The following FLOT2 variants were observed in gnomAD, a reference collection of about 807,000 sequenced individuals.
FLOT2 encodes the protein flotillin-2.
A neutral mutation model predicts 54.9 loss-of-function variants in FLOT2; 35 were observed. The ratio of observed to expected loss-of-function variants is 0.64; its 90% CI spans 0.49 to 0.84. The LOEUF is 0.84. Among genes scored for constraint, FLOT2 ranks in the 40% least tolerant of loss-of-function variants. The pLI is 0.00. For synonymous variants in FLOT2, 207 were observed against 228.9 expected (o/e 0.90, Z 0.86); for missense variants, 464 against 572.1 (o/e 0.81, Z 1.93).
chr17:28,882,543 C>T lies in FLOT2; in HGVS notation c.465+30G>A. Reference sequence around the variant, plus strand: ...AAGCCACCATCTCCCAGATGGACGCCAGGAGATACAGCTTCCCATCACGTC... The same window carrying T: ...AAGCCACCATCTCCCAGATGGACGCTAGGAGATACAGCTTCCCATCACGTC... On this transcript the variant is annotated intron_variant, in intron 5 of 10. Transcript: ENST00000394908. This position sits in a 1 kb window ranked among gnomAD's most constrained non-coding sequence, Gnocchi z 5.6. 1 of 1,580,222 alleles carries T rather than the reference C, an allele frequency of 6.3e-7. No homozygotes were observed. The highest frequency in any genetic ancestry group is 8.7e-7 in the Non-Finnish European group (1 of 1,149,164).
chr17:28,887,891 C>G (rs7211377), intron 2 of FLOT2, among the ~76,000 whole-genome samples: 64,705 of 152,032 alleles, frequency 0.43, 17,488 homozygotes, highest in African/African-American at 0.78. Flanking sequence ...TGGGAGAGTG[C>G]AGCGGTTACT....
rs1333329730 is a variant in FLOT2 at position 28,880,696 on chromosome 17, G to A, written c.1248+17C>T. On this transcript the variant is annotated intron_variant, in intron 10 of 10. Coordinates refer to ENST00000394908, the MANE Select transcript of FLOT2 (RefSeq NM_004475.3). ...GGGCTACCTGGGCAACCCCACCGCA[G>A]CTAGGCAGGCACATACCTTAGACAG... 6.2e-7 allele frequency: 1 copy of A among 1,614,118 alleles called. No homozygotes were observed. Among genetic ancestry groups the A allele is most frequent in the South Asian group, 1.1e-5 (1 of 91,050 alleles).
chr17:28,885,515 A>G (rs924413780), intron 2 of FLOT2: 2 of 706,000 alleles, frequency 2.8e-6, no homozygotes, highest in Non-Finnish European at 5.3e-6. Flanking sequence ...CACATGACAG[A>G]GTAAGCATTT....
At chr17:28,881,077 C>T (rs1567928360) in intron 9 of FLOT2, 115 bp downstream of exon 9, 19 of 1,096,944 alleles carry the variant, frequency 1.7e-5, no homozygotes, top group Non-Finnish European at 2.5e-5. Context: ...CTCATTTAAC[C>T]CTTCTAGCCA....
In FLOT2 at chr17:28,882,582, G is replaced by A; in HGVS notation, c.456C>T (p.Phe152=). 1 of 1,610,270 alleles carries A rather than the reference G, an allele frequency of 6.2e-7. No individual in the cohort carries two copies. Among genetic ancestry groups the A allele is most frequent in the Non-Finnish European group, 8.5e-7 (1 of 1,176,618 alleles). The stretch of plus-strand genomic sequence containing the variant: ...TCCCATCACGTCGTACCTTGATGGT[G>A]AAGCTGAGGATCTCAATGCCCATGC... ...VGRMGIEILS[F]TIKDVYDKVD... Residue 152 remains phenylalanine (F), a synonymous_variant, in exon 5 of 11, where the codon TTC becomes TTT. Coordinates refer to ENST00000394908, the MANE Select transcript of FLOT2 (RefSeq NM_004475.3). This position sits in a 1 kb window ranked among gnomAD's most constrained non-coding sequence, Gnocchi z 5.6.
In FLOT2 at chr17:28,882,841, G is replaced by T; in HGVS notation, c.347-150C>A. The T allele has an allele frequency of 1.5e-6, 1 of 667,850 alleles. No individual in the cohort carries two copies. The highest frequency in any genetic ancestry group is 2.6e-5 in the East Asian group (1 of 38,792). The allele number at this position is 667,850 out of a possible 1,614,324, so 41.4% of individuals were successfully genotyped here. ...TATCTTCTCAACAGCACTTAACACCGAGCTTCCTGCTGCACAGTCCAGGCT... is the reference window on the plus strand; with the variant it reads ...TATCTTCTCAACAGCACTTAACACCTAGCTTCCTGCTGCACAGTCCAGGCT... On this transcript the variant is annotated intron_variant, in intron 4 of 10. Coordinates refer to ENST00000394908, the MANE Select transcript of FLOT2 (RefSeq NM_004475.3). This position sits in a 1 kb window ranked among gnomAD's most constrained non-coding sequence, Gnocchi z 5.6.
At chr17:28,886,137 G>C in intron 2 of FLOT2, 1 of 625,756 alleles carries the variant, frequency 1.6e-6, no homozygotes, top group East Asian at 2.7e-5. Context: ...GCGACCTCCT[G>C]TGCTGATCCG....
At chr17:28,885,021 C>T (rs2039516564) in intron 2 of FLOT2, among the ~76,000 whole-genome samples, 1 of 152,204 alleles carries the variant, frequency 6.6e-6, no homozygotes, top group South Asian at 2.1e-4. Flanking sequence ...TCTGGCCATG[C>T]AATCTGACTC....
intron 2 of FLOT2, chr17:28,886,018 A>C (rs2039536880): frequency 1.3e-6 from 1 of 746,564 alleles, no homozygotes; most frequent in South Asian, 1.4e-5. Context: ...AAACACACAC[A>C]GTAGTTACCA....
chr17:28,882,792 A>ACT lies in FLOT2; in HGVS notation c.347-103_347-102dup. The ACT allele has an allele frequency of 1.3e-6, 1 of 791,268 alleles. No homozygotes were observed. Among genetic ancestry groups the ACT allele is most frequent in the Non-Finnish European group, 2.1e-6 (1 of 467,738 alleles). The allele number at this position is 791,268 out of a possible 1,614,324, so 49.0% of individuals were successfully genotyped here. A position where few individuals can be genotyped will look rare whatever the true frequency, so the allele number is the denominator to read the frequency against. ...GGTAGGGGTGCATGCGGGGTGCTGC[A>ACT]CTCTGAGCTGGGTCTTCCTGGGGTA... On this transcript the variant is annotated intron_variant, in intron 4 of 10. Coordinates refer to ENST00000394908, the MANE Select transcript of FLOT2 (RefSeq NM_004475.3). This position sits in a 1 kb window ranked among gnomAD's most constrained non-coding sequence, Gnocchi z 5.6.
rs1338016459 is a variant in FLOT2 at position 28,882,689 on chromosome 17, T to C, written c.349A>G (p.Thr117Ala). 1 of 1,607,098 alleles carries C rather than the reference T, an allele frequency of 6.2e-7. No individual in the cohort carries two copies. The highest frequency in any genetic ancestry group is 1.3e-5 in the African/African-American group (1 of 74,748). Residue 117 changes from threonine to alanine, a missense_variant and splice_region_variant, in exon 5 of 11, where the codon ACC becomes GCC. Physicochemically the swap from Thr to Ala is moderately conservative, Grantham distance 58. Coordinates refer to ENST00000394908, the MANE Select transcript of FLOT2 (RefSeq NM_004475.3). The surrounding 1 kb of genome is among the most constrained non-coding windows in gnomAD (Gnocchi z 5.6). Reference protein sequence around the residue: ...LEGHLRSILGTLTVEQIYQDR... With the variant: ...LEGHLRSILGALTVEQIYQDR... ...TGATAAATCTGCTCCACTGTCAGGGTCCCTGGGGGCAGAGGGATCAAGGGC... is the reference window on the plus strand; with the variant it reads ...TGATAAATCTGCTCCACTGTCAGGGCCCCTGGGGGCAGAGGGATCAAGGGC...
chr17:28,880,013 A>C lies in FLOT2; in HGVS notation c.*548T>G. On this transcript the variant is annotated 3_prime_UTR_variant, in exon 11 of 11. Transcript: ENST00000394908. ...ACAGTGTCTCTGGGCCCTGCAGGTC[A>C]TGGCTGCCCAGACCTAGAGGGGCAG... The C allele has an allele frequency of 3.0e-6, 3 of 989,918 alleles. No homozygotes were observed. The highest frequency in any genetic ancestry group is 9.2e-5 in the South Asian group (2 of 21,640). The allele number at this position is 989,918 out of a possible 1,614,324, so 61.3% of individuals were successfully genotyped here.
At position 28,884,932 on chromosome 17, in the gene FLOT2, G is replaced by A. The variant is rs947231056; in HGVS notation, c.132-617C>T. On this transcript the variant is annotated intron_variant, in intron 2 of 10. Coordinates refer to ENST00000394908, the MANE Select transcript of FLOT2 (RefSeq NM_004475.3). This position sits in a 1 kb window ranked among gnomAD's most constrained non-coding sequence, Gnocchi z 5.1. ...AAACCCATGTCTGGTATTAGGCCCA[G>A]GTGGGTCACATGGGGAATTTAGACT... Among the ~76,000 whole-genome samples, 1 of 152,190 alleles carries A rather than the reference G, an allele frequency of 6.6e-6. No homozygotes were observed. The highest frequency in any genetic ancestry group is 1.5e-5 in the Non-Finnish European group (1 of 68,030).
chr17:28,897,645 C>A lies in FLOT2; in HGVS notation c.-71G>T. 1 of 1,287,050 alleles carries A rather than the reference C, an allele frequency of 7.8e-7. No individual in the cohort carries two copies. Among genetic ancestry groups the A allele is most frequent in the Non-Finnish European group, 1.0e-6 (1 of 994,562 alleles). The allele number at this position is 1,287,050 out of a possible 1,614,324, so 79.7% of individuals were successfully genotyped here. On this transcript the variant is annotated 5_prime_UTR_variant, in exon 1 of 11. Transcript: ENST00000394908. The surrounding 1 kb of genome is among the most constrained non-coding windows in gnomAD (Gnocchi z 4.4). ...AACAGCAGCGGGTCTGCAGCGCCGG[C>A]CGCGCCCAGCCTATCCCGCCACCCC...
In FLOT2 at chr17:28,882,171, T is replaced by TA; in HGVS notation, c.645dup (p.Lys216Ter). On this transcript the variant is annotated frameshift_variant, in exon 7 of 11. Coordinates refer to ENST00000394908, the MANE Select transcript of FLOT2 (RefSeq NM_004475.3). LOFTEE classifies it high-confidence loss of function. This position sits in a 1 kb window ranked among gnomAD's most constrained non-coding sequence, Gnocchi z 5.6. ...GACTTTTGCAGCTCGAAGGCTCGCT[T>TA]AGAGTCAGCAATCTTGGTGTCTGCC... 2 of 1,614,216 alleles carry TA rather than the reference T, an allele frequency of 1.2e-6. No individual in the cohort carries two copies. The highest frequency in any genetic ancestry group is 1.7e-6 in the Non-Finnish European group (2 of 1,180,036).
Position 28,894,965 on chromosome 17 carries a change from GCA to G in FLOT2, c.49+2559_49+2560del, listed in dbSNP as rs1299223947. On this transcript the variant is annotated intron_variant, in intron 1 of 10. Coordinates refer to ENST00000394908, the MANE Select transcript of FLOT2 (RefSeq NM_004475.3). ...CTCACTCTGTTGCCCAGGCTGGAGT[GCA>G]GTGGTGTGATCTTGGCTCAATGCAT... Among the ~76,000 whole-genome samples the G allele has an allele frequency of 2.0e-5, 3 of 151,186 alleles. No homozygotes were observed. The East Asian group carries it at 5.9e-4, about 30-fold the overall frequency.
chr17:28,885,473 C>G (rs1244097105), intron 2 of FLOT2: 20 of 663,492 alleles, frequency 3.0e-5, no homozygotes. Context: ...CAGTAGAGAG[C>G]TGGTGAATGA....
Position 28,882,044 on chromosome 17 carries a change from G to A in FLOT2, c.700-16C>T. ...CCTCAGCTGTCTGTGGCAAGAGGGT[G>A]TGTGGCACATTAGAGGCTGGTCACC... On this transcript the variant is annotated splice_polypyrimidine_tract_variant and intron_variant, in intron 7 of 10. Coordinates refer to ENST00000394908, the MANE Select transcript of FLOT2 (RefSeq NM_004475.3). This position sits in a 1 kb window ranked among gnomAD's most constrained non-coding sequence, Gnocchi z 5.6. 10 of 1,614,154 alleles carry A rather than the reference G, an allele frequency of 6.2e-6. No homozygotes were observed. Among genetic ancestry groups the A allele is most frequent in the Non-Finnish European group, 8.5e-6 (10 of 1,179,986 alleles).
chr17:28,879,700 C>T lies in FLOT2; in HGVS notation c.*861G>A. The T allele has an allele frequency of 5.1e-6, 5 of 986,254 alleles. No individual in the cohort carries two copies. Among genetic ancestry groups the T allele is most frequent in the Non-Finnish European group, 6.0e-6 (5 of 830,258 alleles). 61.1% of individuals were successfully genotyped at this position (986,254 alleles called of 1,614,324 possible). ...CCTTGTCCACCAGAAGGGCCCAACACCCAGGACAGTGCAGCCCTAGCAGGA... is the reference window on the plus strand; with the variant it reads ...CCTTGTCCACCAGAAGGGCCCAACATCCAGGACAGTGCAGCCCTAGCAGGA... On this transcript the variant is annotated 3_prime_UTR_variant, in exon 11 of 11. Transcript: ENST00000394908.
Sources: gnomAD v4.1 joint callset for allele counts (sites outside exome capture counted in the v4.1 genomes callset) on GRCh38, gnomAD v4.1.1 for gene constraint, Gnocchi (gnomAD v3.1) non-coding constraint, MANE v1.5 for transcripts, NCBI Gene and HGNC (gene_info 2026-07-23, HGNC 2026-07-21) for gene names.